ARHGAP21: variants seen among roughly 807,000 people sequenced by gnomAD.
The protein encoded by ARHGAP21 is Rho GTPase activating protein 21, also known as rho GTPase-activating protein 21.
Under a neutral mutation model 164.6 loss-of-function variants are expected in ARHGAP21, and 38 were observed. The observed-to-expected ratio is 0.23, with a 90% CI of 0.18 to 0.30. ARHGAP21 has a LOEUF of 0.30. Ranked by LOEUF, ARHGAP21 falls within the 10% of genes least tolerant of loss-of-function variation. The pLI is 1.00. For missense variants in ARHGAP21, 1,822 were observed against 2,370.7 expected, an observed-to-expected ratio of 0.77 and a Z score of 4.81; for synonymous variants, 766 against 857.9, an observed-to-expected ratio of 0.89 and a Z score of 1.87.
rs1441670800 is a variant in ARHGAP21, at chr10:24,585,738, G to A, written c.4551C>T (p.Leu1517=). The A allele has an allele frequency of 1.9e-6, 3 of 1,614,050 alleles. No homozygotes were observed. In the South Asian group the frequency reaches 3.3e-5, roughly 18 times the overall value. The change falls in exon 26 of 26, where the codon CTC becomes CTT. Residue 1517 remains leucine (L), a synonymous_variant. Transcript: ENST00000396432. ...HNSKHNKSPT[L]SCRFAILKES... ...CTTTCAGGATGGCAAAGCGACAGCTGAGAGTTGGTGACTTGTTGTGTTTTG... is the reference window on the plus strand; with the variant it reads ...CTTTCAGGATGGCAAAGCGACAGCTAAGAGTTGGTGACTTGTTGTGTTTTG...
chr10:24,697,437 T>TC (rs1843271756), intron 2 of ARHGAP21, among the ~76,000 whole-genome samples: 1 of 152,174 alleles, frequency 6.6e-6, no homozygotes, highest in Non-Finnish European at 1.5e-5. Flanking sequence ...CATCTTTTCT[T>TC]CTTCTCCAGG....
In ARHGAP21 at chr10:24,584,718, G is replaced by A; in HGVS notation, c.5571C>T (p.Arg1857=). ...LSISDWLARE[R]LRTSTSDLSR... is the part of the protein sequence containing the mutation. The stretch of plus-strand genomic sequence containing the variant: ...TAAGGTCAGAGGTACTGGTGCGTAG[G>A]CGTTCCCTGGCCAGCCAGTCTGAGA... The change falls in exon 26 of 26, where the codon CGC becomes CGT. Residue 1857 remains arginine, a synonymous_variant. Coordinates refer to ENST00000396432, the MANE Select transcript of ARHGAP21 (RefSeq NM_020824.4). 6.2e-7 allele frequency: 1 copy of A among 1,613,966 alleles called. No individual in the cohort carries two copies. The highest frequency in any genetic ancestry group is 8.5e-7 in the Non-Finnish European group (1 of 1,179,866).
chr10:24,624,490 C>A (rs1413498294), intron 7 of ARHGAP21, among the ~76,000 whole-genome samples: 1 of 151,692 alleles, frequency 6.6e-6, no homozygotes, highest in Non-Finnish European at 1.5e-5. Context: ...CAGGCATGAG[C>A]CACCATGCTC....
chr10:24,584,921 C>T lies in ARHGAP21; in HGVS notation c.5368G>A (p.Ala1790Thr). The T allele has an allele frequency of 1.9e-6, 3 of 1,613,934 alleles. No individual in the cohort carries two copies. The highest frequency in any genetic ancestry group is 2.5e-6 in the Non-Finnish European group (3 of 1,179,864). Residue 1790 changes from alanine to threonine, a missense_variant, in exon 26 of 26, where the codon GCC (alanine) becomes ACC (threonine). Physicochemically the swap from Ala to Thr is moderately conservative, Grantham distance 58 (BLOSUM62 0). Transcript: ENST00000396432. ...ATGCTTTTCCTTTTAGCAGTCTCGGCATTCACTTTGTGATTCCCTACTCCA... is the reference window on the plus strand; with the variant it reads ...ATGCTTTTCCTTTTAGCAGTCTCGGTATTCACTTTGTGATTCCCTACTCCA... ...MFGVGNHKVN[A>T]ETAKRKSIRR...
chr10:24,666,534 A>T (rs942110290), intron 4 of ARHGAP21, among the ~76,000 whole-genome samples: 1 of 152,194 alleles, frequency 6.6e-6, no homozygotes, highest in Non-Finnish European at 1.5e-5. Context: ...CTCCAGCCTG[A>T]TTGTCCTTTT....
chr10:24,593,321 C>CCCTCTAGAATATGTACTCATCCT (rs2076420192), intron 21 of ARHGAP21, among the ~76,000 whole-genome samples: 1 of 152,144 alleles, frequency 6.6e-6, no homozygotes, highest in Non-Finnish European at 1.5e-5. Flanking sequence ...TTTCTGGTCT[C>CCCTCTAGAATATGTACTCATCCT]CCTCTAGAAT....
At chr10:24,604,810 C>G (rs1592989158) in intron 11 of ARHGAP21, among the ~76,000 whole-genome samples, 1 of 152,088 alleles carries the variant, frequency 6.6e-6, no homozygotes, top group Non-Finnish European at 1.5e-5. Context: ...GCAGGGAGGG[C>G]ACAGTTACAG....
chr10:24,688,533 A>G (rs1842424958), intron 2 of ARHGAP21, among the ~76,000 whole-genome samples: 1 of 152,236 alleles, frequency 6.6e-6, no homozygotes, highest in Admixed American at 6.5e-5. Context: ...GGCAGGACAG[A>G]CCAGTAAGAG....
chr10:24,695,157 C>A (rs953992942), intron 2 of ARHGAP21, among the ~76,000 whole-genome samples: 2 of 146,884 alleles, frequency 1.4e-5, no homozygotes, highest in Admixed American at 1.4e-4. Context: ...GGATTATCAT[C>A]AATCACAGTG....
At chr10:24,631,647 T>C (rs962597579) in intron 6 of ARHGAP21, among the ~76,000 whole-genome samples, 1 of 152,196 alleles carries the variant, frequency 6.6e-6, no homozygotes, top group Non-Finnish European at 1.5e-5. Flanking sequence ...ATGTAGGTAC[T>C]TTCATTTCAA....
chr10:24,696,853 G>A (rs957035147), intron 2 of ARHGAP21, among the ~76,000 whole-genome samples: 17 of 152,184 alleles, frequency 1.1e-4, no homozygotes, highest in South Asian at 8.3e-4. Context: ...AGGACACTCC[G>A]TGTACCACGG....
At chr10:24,707,327 T>A (rs1489120397) in intron 2 of ARHGAP21, among the ~76,000 whole-genome samples, 1 of 152,194 alleles carries the variant, frequency 6.6e-6, no homozygotes, top group Non-Finnish European at 1.5e-5. Flanking sequence ...GTAACATGCT[T>A]AAAACAGTGT....
Position 24,620,964 on chromosome 10 carries a change from A to G in ARHGAP21, c.931T>C (p.Leu311=). 1 of 1,613,956 alleles carries G rather than the reference A, an allele frequency of 6.2e-7. No individual in the cohort carries two copies. Among genetic ancestry groups the G allele is most frequent in the Non-Finnish European group, 8.5e-7 (1 of 1,179,864 alleles). Residue 311 remains leucine (L), a synonymous_variant, in exon 9 of 26, where the codon TTA becomes CTA. Coordinates refer to ENST00000396432, the MANE Select transcript of ARHGAP21 (RefSeq NM_020824.4). ...GATGTGGTTCTTGACACTGTTTTTA[A>G]AGAGGTCTGCTCACTCACGCCATAC... The part of the protein sequence containing the change: ...VRYGVSEQTS[L]KTVSRTTSPP...
chr10:24,623,775 C>T (rs1468603093), intron 7 of ARHGAP21, among the ~76,000 whole-genome samples: 4 of 152,170 alleles, frequency 2.6e-5, no homozygotes, highest in Non-Finnish European at 5.9e-5. Flanking sequence ...AAAACCACGA[C>T]GACACTAATG....
chr10:24,653,646 C>T (rs1838451057), intron 4 of ARHGAP21, among the ~76,000 whole-genome samples: 1 of 152,034 alleles, frequency 6.6e-6, no homozygotes, highest in South Asian at 2.1e-4. Flanking sequence ...CCTTGAATTC[C>T]TGGGTTCAAG....
At chr10:24,625,951 G>A (rs920040576) in intron 7 of ARHGAP21, among the ~76,000 whole-genome samples, 4 of 152,162 alleles carry the variant, frequency 2.6e-5, no homozygotes, top group Admixed American at 6.5e-5. Context: ...CTCAACAGCA[G>A]TATAGGACTG....
At chr10:24,717,926 C>T (rs2132314799) in intron 2 of ARHGAP21, among the ~76,000 whole-genome samples, 1 of 152,276 alleles carries the variant, frequency 6.6e-6, no homozygotes, top group Admixed American at 6.5e-5. Context: ...CCGGGTTTCA[C>T]CATGTTGCTC....
intron 2 of ARHGAP21, among the ~76,000 whole-genome samples, chr10:24,673,797 G>A (rs777683948): frequency 3.3e-5 from 5 of 152,090 alleles, no homozygotes; most frequent in Non-Finnish European, 7.4e-5. Context: ...AGAAGGTGGA[G>A]GTTGCAGTGA....
intron 25 of ARHGAP21, among the ~76,000 whole-genome samples, chr10:24,587,559 T>C (rs1172537554): frequency 6.6e-6 from 1 of 152,220 alleles, no homozygotes; most frequent in Non-Finnish European, 1.5e-5. Context: ...TTTTACAAGT[T>C]ATAAAGACTT....
Sources: allele counts gnomAD v4.1 joint callset (sites outside exome capture counted in the v4.1 genomes callset), GRCh38; gene constraint gnomAD v4.1.1; transcripts MANE v1.5; gene names NCBI Gene and HGNC (gene_info 2026-07-23, HGNC 2026-07-21).